Variants in PHLPP1 observed in about 807,000 individuals in gnomAD.
PHLPP1 encodes PH domain leucine-rich repeat-containing protein phosphatase 1.
In PHLPP1, 42 loss-of-function variants were observed where a neutral mutation model predicts 117.2. The observed-to-expected ratio is 0.36, with a 90% confidence interval of 0.28 to 0.46. The LOEUF (loss-of-function observed/expected upper bound fraction) is 0.46. PHLPP1 is among the 20% of genes least tolerant of loss of function. PHLPP1 has a pLI of 1.00. For synonymous variants in PHLPP1, 1,042 were observed against 970.7 expected, an observed-to-expected ratio of 1.07 and a Z score of -1.37; for missense variants, 2,084 against 2,241.9, an observed-to-expected ratio of 0.93 and a Z score of 1.42.
In PHLPP1 at chr18:62,830,020, T is replaced by C. The variant is rs1914713131; in HGVS notation, c.1577-15T>C. ...CATTTTAAAAGAATAACATGTTTGC[T>C]TCTGTTTATTTCAGGAAAACCTCAC... On this transcript the variant is annotated splice_polypyrimidine_tract_variant and intron_variant, in intron 1 of 16. Coordinates refer to ENST00000262719, the MANE Select transcript of PHLPP1 (RefSeq NM_194449.4). 3 of 1,589,152 alleles carry C rather than the reference T, an allele frequency of 1.9e-6. No individual in the cohort carries two copies. Among genetic ancestry groups the C allele is most frequent in the African/African-American group, 1.3e-5 (1 of 74,336 alleles).
At chr18:62,793,815 C>T (rs1568119301) in intron 1 of PHLPP1, among the ~76,000 whole-genome samples, 1 of 152,094 alleles carries the variant, frequency 6.6e-6, no homozygotes, top group Admixed American at 6.6e-5. Context: ...ATGGTAATTC[C>T]CTGCTCTACC....
At chr18:62,858,459 C>T (rs1915553597) in intron 3 of PHLPP1, among the ~76,000 whole-genome samples, 2 of 152,226 alleles carry the variant, frequency 1.3e-5, no homozygotes, top group South Asian at 2.1e-4. Context: ...GTCGGGGTTT[C>T]ACCATATTGG....
Position 62,975,437 on chromosome 18 carries a change from G to A in PHLPP1, c.3796G>A (p.Val1266Ile), listed in dbSNP as rs781459472. ...TGGGCAGAAGCTTGGTGGTGCCGCT[G>A]TCCTTTGTCATATCAAGCATGACCC... Reference protein sequence around the residue: ...TAGQKLGGAAVLCHIKHDPVD... With the variant: ...TAGQKLGGAAILCHIKHDPVD... Residue 1266 changes from valine to isoleucine, a missense_variant, in exon 16 of 17, where the codon GTC (valine) becomes ATC (isoleucine). Physicochemically the swap from Val to Ile is conservative, Grantham distance 29. Around this residue, in one of 2 missense-constraint regions of PHLPP1, gnomAD observed 1,365 missense variants for 1,605.9 expected, o/e 0.85. Coordinates refer to ENST00000262719, the MANE Select transcript of PHLPP1 (RefSeq NM_194449.4). The A allele has an allele frequency of 1.2e-6, 2 of 1,613,788 alleles. No individual in the cohort carries two copies. The highest frequency in any genetic ancestry group is 2.7e-5 in the African/African-American group (2 of 74,910).
chr18:62,927,775 G>A (rs608018), intron 10 of PHLPP1, among the ~76,000 whole-genome samples: 71,738 of 150,982 alleles, frequency 0.48, 17,077 homozygotes, highest in Middle Eastern at 0.57. Context: ...GAAGAACAAA[G>A]ACAAAAAAAA....
At chr18:62,779,165 G>T (rs373668188) in intron 1 of PHLPP1, among the ~76,000 whole-genome samples, 3 of 151,962 alleles carry the variant, frequency 2.0e-5, no homozygotes, top group African/African-American at 4.8e-5. Flanking sequence ...CCTTGCTTCC[G>T]CTACTCTGCC....
At chr18:62,873,160 C>G (rs1472988425) in intron 4 of PHLPP1, among the ~76,000 whole-genome samples, 4 of 151,960 alleles carry the variant, frequency 2.6e-5, no homozygotes, top group South Asian at 2.1e-4. Context: ...ATGGTGATAT[C>G]CTGCCATGTT....
chr18:62,871,136 T>TTTG (rs1416490588), intron 4 of PHLPP1, among the ~76,000 whole-genome samples: 2 of 152,196 alleles, frequency 1.3e-5, no homozygotes, highest in Non-Finnish European at 2.9e-5. Context: ...GGTAAGTTTC[T>TTTG]TTGTAGAGTC....
chr18:62,944,059 A>C (rs1464164299), intron 11 of PHLPP1, among the ~76,000 whole-genome samples: 1 of 150,476 alleles, frequency 6.6e-6, no homozygotes, highest in Non-Finnish European at 1.5e-5. Context: ...CAAAAATAAT[A>C]CAGTGGTTTT....
intron 1 of PHLPP1, among the ~76,000 whole-genome samples, chr18:62,774,470 T>C (rs1222766990): frequency 1.3e-5 from 2 of 152,256 alleles, no homozygotes; most frequent in Non-Finnish European, 2.9e-5. Flanking sequence ...GATGTCTAAA[T>C]GTGATGATAA....
chr18:62,971,313 T>C (rs1261604083), intron 14 of PHLPP1, among the ~76,000 whole-genome samples: 2 of 152,134 alleles, frequency 1.3e-5, no homozygotes, highest in Admixed American at 6.5e-5. Flanking sequence ...CCCTATAGTA[T>C]AGTAGGCTGT....
At chr18:62,846,532 T>A (rs912663186) in intron 3 of PHLPP1, among the ~76,000 whole-genome samples, 10 of 151,702 alleles carry the variant, frequency 6.6e-5, no homozygotes, top group Non-Finnish European at 1.3e-4. Context: ...ATATCACACA[T>A]GTCTGAGAAG....
At chr18:62,836,748 A>T (rs1386489304) in intron 2 of PHLPP1, among the ~76,000 whole-genome samples, 1 of 151,414 alleles carries the variant, frequency 6.6e-6, no homozygotes, top group African/African-American at 2.4e-5. Context: ...CATTAAAAAA[A>T]AAAAAAACTT....
intron 1 of PHLPP1, among the ~76,000 whole-genome samples, chr18:62,805,189 A>G (rs187708271): frequency 1.1e-3 from 153 of 137,044 alleles, no homozygotes; most frequent in East Asian, 3.9e-3. Context: ...AGTATAATAT[A>G]CACTGCATAG....
chr18:62,808,834 G>A (rs945800577), intron 1 of PHLPP1, among the ~76,000 whole-genome samples: 3 of 152,204 alleles, frequency 2.0e-5, no homozygotes, highest in Non-Finnish European at 2.9e-5. Context: ...GATTACAGGC[G>A]TGAGCCACCG....
intron 8 of PHLPP1, among the ~76,000 whole-genome samples, chr18:62,912,945 A>G (rs892231615): frequency 1.3e-5 from 2 of 152,218 alleles, no homozygotes; most frequent in Admixed American, 6.5e-5. Flanking sequence ...AGAATTAGTC[A>G]TAGAGTTAAA....
At chr18:62,751,497 A>C (rs368603380) in intron 1 of PHLPP1, among the ~76,000 whole-genome samples, 2 of 152,332 alleles carry the variant, frequency 1.3e-5, no homozygotes, top group African/African-American at 4.8e-5. Flanking sequence ...TTGTTAGTCC[A>C]GTCCAGCTCC....
At chr18:62,947,385 C>T (rs1910328113) in intron 12 of PHLPP1, among the ~76,000 whole-genome samples, 1 of 152,218 alleles carries the variant, frequency 6.6e-6, no homozygotes, top group Non-Finnish European at 1.5e-5. Context: ...TATAGAGCAA[C>T]TATTTTGGCT....
intron 1 of PHLPP1, among the ~76,000 whole-genome samples, chr18:62,740,353 A>G (rs1270607132): frequency 6.6e-6 from 1 of 152,048 alleles, no homozygotes; most frequent in Non-Finnish European, 1.5e-5. Context: ...TTTTCTTATG[A>G]CTTACAGGTA....
intron 1 of PHLPP1, among the ~76,000 whole-genome samples, chr18:62,805,380 T>C (rs1383000026): frequency 1.3e-5 from 2 of 152,006 alleles, no homozygotes; most frequent in Non-Finnish European, 2.9e-5. Context: ...GTTATACATA[T>C]ACAGTATAAT....
Sources: allele counts gnomAD v4.1 joint callset (sites outside exome capture counted in the v4.1 genomes callset), GRCh38; gene constraint gnomAD v4.1.1; regional missense constraint gnomAD v4.1.1; transcripts MANE v1.5; gene names NCBI Gene and HGNC (gene_info 2026-07-23, HGNC 2026-07-21).